The following ZDHHC14 variants were observed in gnomAD, a reference collection of about 807,000 sequenced individuals.
ZDHHC14 encodes zDHHC palmitoyltransferase 14, also known as palmitoyltransferase ZDHHC14.
Under a neutral mutation model 47.7 loss-of-function variants are expected in ZDHHC14, and 16 were observed. That is an observed-to-expected ratio of 0.34 (90% confidence interval 0.23 to 0.51). The LOEUF is 0.51. Ranked by LOEUF, ZDHHC14 falls within the 20% of genes least tolerant of loss-of-function variation. The pLI, the probability that ZDHHC14 is intolerant of heterozygous loss-of-function variation, is 0.97. For missense variants in ZDHHC14, 515 were observed against 662.5 expected, an observed-to-expected ratio of 0.78 and a Z score of 2.44; for synonymous variants, 293 against 278.9, an observed-to-expected ratio of 1.05 and a Z score of -0.50.
chr6:157,540,620 G>T (rs749171426), intron 1 of ZDHHC14, among the ~76,000 whole-genome samples: 2 of 152,076 alleles, frequency 1.3e-5, no homozygotes, highest in South Asian at 4.1e-4. Context: ...CTGTGCCCTC[G>T]CTGAAACTGG....
intron 2 of ZDHHC14, among the ~76,000 whole-genome samples, chr6:157,579,430 C>G (rs1373150930): frequency 6.6e-6 from 1 of 151,954 alleles, no homozygotes; most frequent in Non-Finnish European, 1.5e-5. Flanking sequence ...ATCTGCTGAC[C>G]TCGTGATCCG....
At chr6:157,526,486 C>T (rs535041518) in intron 1 of ZDHHC14, among the ~76,000 whole-genome samples, 2 of 152,312 alleles carry the variant, frequency 1.3e-5, no homozygotes, top group African/African-American at 2.4e-5. Context: ...TTGGTCTACT[C>T]GGTCTTGACA....
At chr6:157,640,400 T>C (rs1777193726) in intron 5 of ZDHHC14, among the ~76,000 whole-genome samples, 1 of 152,142 alleles carries the variant, frequency 6.6e-6, no homozygotes, top group African/African-American at 2.4e-5. Flanking sequence ...ATACACATGG[T>C]CTGTTTTAAT....
At chr6:157,645,926 T>C (rs1777529095) in intron 6 of ZDHHC14, 87 bp downstream of exon 6, 6 of 1,193,302 alleles carry the variant, frequency 5.0e-6, no homozygotes, top group Non-Finnish European at 2.4e-6. Flanking sequence ...TGAGCCCAGC[T>C]TTTCCCATAC....
intron 5 of ZDHHC14, among the ~76,000 whole-genome samples, chr6:157,641,507 T>A (rs1777248852): frequency 6.6e-6 from 1 of 152,246 alleles, no homozygotes; most frequent in Non-Finnish European, 1.5e-5. Flanking sequence ...CTTATCACAA[T>A]GTATGCCAGT....
intron 1 of ZDHHC14, among the ~76,000 whole-genome samples, chr6:157,467,662 G>T (rs1282963867): frequency 1.3e-5 from 2 of 151,888 alleles, no homozygotes; most frequent in Non-Finnish European, 2.9e-5. Flanking sequence ...CGATTCTCCT[G>T]CCTCAGACTC....
chr6:157,424,388 C>T (rs992037188), intron 1 of ZDHHC14, among the ~76,000 whole-genome samples: 2 of 152,252 alleles, frequency 1.3e-5, no homozygotes, highest in African/African-American at 4.8e-5. Context: ...TTGAATCTGA[C>T]GAGGTCAAAC....
chr6:157,514,645 G>A (rs1181815017), intron 1 of ZDHHC14, among the ~76,000 whole-genome samples: 2 of 152,224 alleles, frequency 1.3e-5, no homozygotes, highest in Non-Finnish European at 2.9e-5. Flanking sequence ...AGGCCCCTGA[G>A]GCAAGAGATG....
rs182971844 is a variant in ZDHHC14, at chr6:157,549,465, G to A, written c.406+6720G>A. Among the ~76,000 whole-genome samples the A allele has an allele frequency of 3.1e-4, 47 of 152,248 alleles. 1 individual carries two copies. In the East Asian group the frequency reaches 5.4e-3, roughly 18 times the overall value. On this transcript the variant is annotated intron_variant, in intron 2 of 8. Coordinates refer to ENST00000359775, the MANE Select transcript of ZDHHC14 (RefSeq NM_024630.3). ...GAGAGTGGGGGAGTCCCATCGTGCCGGACATACCTTCTGGAAGAGACAAAG... is the reference window on the plus strand; with the variant it reads ...GAGAGTGGGGGAGTCCCATCGTGCCAGACATACCTTCTGGAAGAGACAAAG...
chr6:157,520,746 C>A (rs1780883150), intron 1 of ZDHHC14, among the ~76,000 whole-genome samples: 1 of 152,176 alleles, frequency 6.6e-6, no homozygotes, highest in Non-Finnish European at 1.5e-5. Flanking sequence ...TCACCAAAGT[C>A]ACATGTGTTC....
intron 2 of ZDHHC14, among the ~76,000 whole-genome samples, chr6:157,564,437 T>C (rs987735015): frequency 1.8e-4 from 27 of 152,228 alleles, no homozygotes; most frequent in African/African-American, 6.0e-4. Context: ...TCTTTTATGT[T>C]ATGAATACAT....
intron 5 of ZDHHC14, among the ~76,000 whole-genome samples, chr6:157,638,401 C>T (rs545502669): frequency 2.0e-5 from 3 of 152,308 alleles, no homozygotes; most frequent in Admixed American, 1.3e-4. Context: ...TGGGGAGGGG[C>T]CTCTCAGGGC....
chr6:157,580,033 T>C (rs774415307), intron 2 of ZDHHC14, among the ~76,000 whole-genome samples: 2 of 152,222 alleles, frequency 1.3e-5, no homozygotes, highest in Non-Finnish European at 2.9e-5. Flanking sequence ...TTGTCATAGA[T>C]GGCTCTTGTT....
chr6:157,555,036 G>A (rs1264029465), intron 2 of ZDHHC14, among the ~76,000 whole-genome samples: 1 of 152,196 alleles, frequency 6.6e-6, no homozygotes, highest in African/African-American at 2.4e-5. Context: ...TTTTAGGAGA[G>A]ACCTTTGACA....
chr6:157,535,634 G>C (rs1387892905), intron 1 of ZDHHC14, among the ~76,000 whole-genome samples: 1 of 152,144 alleles, frequency 6.6e-6, no homozygotes, highest in African/African-American at 2.4e-5. Context: ...GGCATGCATA[G>C]ACTCCTGGCT....
At chr6:157,534,307 G>C (rs1405297566) in intron 1 of ZDHHC14, among the ~76,000 whole-genome samples, 1 of 152,182 alleles carries the variant, frequency 6.6e-6, no homozygotes, top group East Asian at 1.9e-4. Context: ...AGGATGCACA[G>C]AAAGCAAAAT....
intron 8 of ZDHHC14, among the ~76,000 whole-genome samples, chr6:157,659,901 G>T (rs545596907): frequency 2.0e-5 from 3 of 152,180 alleles, no homozygotes; most frequent in South Asian, 2.1e-4. Context: ...AGTCAGAATC[G>T]CAAGCTGAAC....
At chr6:157,667,334 A>G (rs1002927769) in intron 8 of ZDHHC14, among the ~76,000 whole-genome samples, 9 of 152,194 alleles carry the variant, frequency 5.9e-5, no homozygotes, top group African/African-American at 2.2e-4. Context: ...TAAGAGAGAA[A>G]AAGCGAGCGG....
intron 4 of ZDHHC14, chr6:157,632,620 G>GC: frequency 1.7e-6 from 1 of 597,118 alleles, no homozygotes; most frequent in Non-Finnish European, 3.0e-6. Context: ...AAAATACCCT[G>GC]CAGATGTTGG....
Sources: allele counts gnomAD v4.1 joint callset (sites outside exome capture counted in the v4.1 genomes callset), GRCh38; gene constraint gnomAD v4.1.1; transcripts MANE v1.5; gene names NCBI Gene and HGNC (gene_info 2026-07-23, HGNC 2026-07-21).